Variants in FRAS1 observed in about 807,000 individuals in gnomAD.
The protein encoded by FRAS1 is Fraser extracellular matrix complex subunit 1.
FRAS1 carries 290 observed loss-of-function variants against 435.2 expected under a neutral mutation model. The observed-to-expected ratio is 0.67, with a 90% CI of 0.61 to 0.73. FRAS1 has a LOEUF of 0.73. FRAS1 is among the 30% of genes least tolerant of loss of function. The pLI is 0.00. For missense variants in FRAS1, 4,860 were observed against 5,001.5 expected, an observed-to-expected ratio of 0.97 and a Z score of 0.85; for synonymous variants, 1,800 against 1,851.0, an observed-to-expected ratio of 0.97 and a Z score of 0.71.
chr4:78,271,577 T>C (rs1049191150), intron 9 of FRAS1, among the ~76,000 whole-genome samples: 13 of 152,220 alleles, frequency 8.5e-5, no homozygotes, highest in Non-Finnish European at 1.3e-4. Context: ...TATTTTTTTG[T>C]CCTTGTGATG....
chr4:78,489,161 C>T, intron 59 of FRAS1, 81 bp downstream of exon 59: 1 of 1,372,148 alleles, frequency 7.3e-7, no homozygotes, highest in Non-Finnish European at 9.9e-7. Context: ...TATATAAATT[C>T]CAAAAATTCT....
chr4:78,419,710 A>C (rs1733695095), intron 33 of FRAS1, among the ~76,000 whole-genome samples: 1 of 152,172 alleles, frequency 6.6e-6, no homozygotes, highest in Non-Finnish European at 1.5e-5. Flanking sequence ...TTATAAAGAA[A>C]AGAGGTTTAA....
intron 38 of FRAS1, among the ~76,000 whole-genome samples, chr4:78,436,268 C>T (rs765227610): frequency 2.0e-5 from 3 of 152,108 alleles, no homozygotes; most frequent in Non-Finnish European, 4.4e-5. Flanking sequence ...AAGAGATAGT[C>T]GCCTTCATTA....
chr4:78,182,161 A>G (rs1268569722), intron 2 of FRAS1: 60 of 746,864 alleles, frequency 8.0e-5, no homozygotes, highest in Non-Finnish European at 1.2e-4. Context: ...GCAGGTATTT[A>G]ATAATTTCAC....
At chr4:78,432,307 A>C (rs1467781277) in intron 37 of FRAS1, 50 bp from the exon 38 acceptor site, 5 of 1,516,448 alleles carry the variant, frequency 3.3e-6, no homozygotes, top group Non-Finnish European at 4.4e-6. Flanking sequence ...TATAATGAAA[A>C]GCATTATTCC....
At chr4:78,417,598 G>A (rs1240410303) in intron 32 of FRAS1, among the ~76,000 whole-genome samples, 1 of 152,168 alleles carries the variant, frequency 6.6e-6, no homozygotes, top group African/African-American at 2.4e-5. Context: ...TTACATTCCA[G>A]ACCTGAGCAA....
chr4:78,197,705 G>T (rs1011125236), intron 2 of FRAS1, among the ~76,000 whole-genome samples: 2 of 152,172 alleles, frequency 1.3e-5, no homozygotes, highest in Non-Finnish European at 2.9e-5. Context: ...ACTTTGGGAG[G>T]CTAAGGCGGG....
chr4:78,389,146 C>T (rs1732346453), intron 29 of FRAS1, among the ~76,000 whole-genome samples: 1 of 152,224 alleles, frequency 6.6e-6, no homozygotes, highest in Admixed American at 6.5e-5. Flanking sequence ...ACCAAAGGGA[C>T]ACGAAAAACA....
rs569103181 is a variant in FRAS1 at position 78,337,545 on chromosome 4, T to C, written c.2279-129T>C. On this transcript the variant is annotated intron_variant, in intron 19 of 73. Coordinates refer to ENST00000512123, the MANE Select transcript of FRAS1 (RefSeq NM_025074.7). The stretch of plus-strand genomic sequence containing the variant: ...AGGTCCAAGGGTGTGCCCGGCTTGC[T>C]CAGGAATCTTCTAAAGATGATTAGA... The C allele has an allele frequency of 4.3e-5, 48 of 1,123,192 alleles. No individual in the cohort carries two copies. The East Asian group carries it at 1.0e-3, about 24-fold the overall frequency. The allele number at this position is 1,123,192 out of a possible 1,614,324, so 69.6% of individuals were successfully genotyped here.
chr4:78,291,319 T>C (rs908278305), intron 14 of FRAS1, among the ~76,000 whole-genome samples: 6 of 152,300 alleles, frequency 3.9e-5, no homozygotes, highest in African/African-American at 1.4e-4. Flanking sequence ...CTGTTCCAGC[T>C]CAGATCATCA....
intron 18 of FRAS1, among the ~76,000 whole-genome samples, chr4:78,330,878 T>A (rs1729920550): frequency 6.6e-6 from 1 of 152,242 alleles, no homozygotes; most frequent in Non-Finnish European, 1.5e-5. Context: ...CTTTGTGAAG[T>A]ACTTGATGTC....
At chr4:78,456,269 A>T (rs567366580) in intron 47 of FRAS1, among the ~76,000 whole-genome samples, 1 of 151,000 alleles carries the variant, frequency 6.6e-6, no homozygotes, top group East Asian at 2.0e-4. Flanking sequence ...CAGCCTCCCA[A>T]ATGGCTGGGA....
chr4:78,142,082 A>G (rs1340552392), intron 2 of FRAS1, among the ~76,000 whole-genome samples: 1 of 152,098 alleles, frequency 6.6e-6, no homozygotes, highest in East Asian at 1.9e-4. Context: ...ATCACCACTA[A>G]AGAACTTACT....
At chr4:78,478,135 C>T in intron 55 of FRAS1, 74 bp downstream of exon 55, 1 of 1,434,150 alleles carries the variant, frequency 7.0e-7, no homozygotes, top group Non-Finnish European at 9.4e-7. Flanking sequence ...ATGTGCTAAG[C>T]ACTCATCTCA....
chr4:78,358,644 A>G (rs1019509307), intron 20 of FRAS1, among the ~76,000 whole-genome samples: 1 of 152,192 alleles, frequency 6.6e-6, no homozygotes, highest in Non-Finnish European at 1.5e-5. Context: ...GTAAATGTAA[A>G]CTATAATAAT....
chr4:78,127,675 C>A (rs1395230986), intron 2 of FRAS1, among the ~76,000 whole-genome samples: 1 of 151,760 alleles, frequency 6.6e-6, no homozygotes, highest in Admixed American at 6.6e-5. Flanking sequence ...ACAACAACAA[C>A]AAAATGGAAC....
chr4:78,275,691 G>C (rs959241437), intron 9 of FRAS1, among the ~76,000 whole-genome samples: 7 of 152,174 alleles, frequency 4.6e-5, no homozygotes, highest in African/African-American at 1.4e-4. Context: ...TCAGCTGTTA[G>C]TCTGATGGGC....
intron 9 of FRAS1, among the ~76,000 whole-genome samples, chr4:78,275,285 T>G (rs1180457440): frequency 1.3e-5 from 2 of 152,146 alleles, no homozygotes; most frequent in Admixed American, 1.3e-4. Flanking sequence ...CAGTCTGTGT[T>G]TTTTAATTGG....
At chr4:78,100,275 G>A (rs140482359) in intron 2 of FRAS1, among the ~76,000 whole-genome samples, 1 of 152,124 alleles carries the variant, frequency 6.6e-6, no homozygotes, top group African/African-American at 2.4e-5. Flanking sequence ...ATTCTTGAGG[G>A]TACTCCAGGG....
Sources: gnomAD v4.1 joint callset for allele counts (sites outside exome capture counted in the v4.1 genomes callset) on GRCh38, gnomAD v4.1.1 for gene constraint, MANE v1.5 for transcripts, NCBI Gene and HGNC (gene_info 2026-07-23, HGNC 2026-07-21) for gene names.